CNTN4: variants seen among roughly 807,000 people sequenced by gnomAD.
CNTN4 encodes the protein contactin-4.
A neutral mutation model predicts 122.5 loss-of-function variants in CNTN4; 77 were observed. The ratio of observed to expected loss-of-function variants is 0.63; its 90% CI spans 0.52 to 0.76. The LOEUF is 0.76. CNTN4 is among the 30% of genes least tolerant of loss of function. The pLI, the probability that CNTN4 is intolerant of heterozygous loss-of-function variation, is 0.00. For synonymous variants in CNTN4, 512 were observed against 447.0 expected, an observed-to-expected ratio of 1.15 and a Z score of -1.83; for missense variants, 1,256 against 1,259.1, an observed-to-expected ratio of 1.00 and a Z score of 0.04.
chr3:2,653,545 G>T (rs1291584895), intron 4 of CNTN4, among the ~76,000 whole-genome samples: 1 of 152,124 alleles, frequency 6.6e-6, no homozygotes, highest in African/African-American at 2.4e-5. Flanking sequence ...TCAAATCCCT[G>T]ACATTAAGTC....
At chr3:2,881,983 T>TA (rs943599881) in intron 8 of CNTN4, among the ~76,000 whole-genome samples, 3 of 152,288 alleles carry the variant, frequency 2.0e-5, no homozygotes, top group African/African-American at 7.2e-5. Flanking sequence ...TCAAAGATCA[T>TA]AAAAACTGAT....
intron 3 of CNTN4, among the ~76,000 whole-genome samples, chr3:2,526,573 A>T (rs1417329015): frequency 6.6e-6 from 1 of 152,128 alleles, no homozygotes; most frequent in African/African-American, 2.4e-5. Context: ...CCAGTCTAAG[A>T]AAAAACTTGA....
At chr3:2,252,948 C>A (rs1292082604) in intron 2 of CNTN4, among the ~76,000 whole-genome samples, 1 of 151,576 alleles carries the variant, frequency 6.6e-6, no homozygotes, top group African/African-American at 2.4e-5. Context: ...ATTTTTTTGT[C>A]TTTTAGGGAC....
chr3:2,956,163 G>A (rs115732821), intron 13 of CNTN4, among the ~76,000 whole-genome samples: 1 of 152,156 alleles, frequency 6.6e-6, no homozygotes, highest in African/African-American at 2.4e-5. Context: ...AAAACATCAT[G>A]TTAAATGAAA....
At chr3:2,248,767 C>A (rs1208765116) in intron 2 of CNTN4, among the ~76,000 whole-genome samples, 2 of 151,852 alleles carry the variant, frequency 1.3e-5, no homozygotes, top group African/African-American at 4.8e-5. Flanking sequence ...CCTGTTAAAG[C>A]GACAGAACAA....
intron 2 of CNTN4, among the ~76,000 whole-genome samples, chr3:2,115,333 C>A (rs1409967824): frequency 6.6e-6 from 1 of 152,150 alleles, no homozygotes; most frequent in Non-Finnish European, 1.5e-5. Context: ...GCTGCTTTGT[C>A]CTCTAGTTCT....
chr3:2,629,711 A>G (rs1165853022), intron 4 of CNTN4: 1 of 322,978 alleles, frequency 3.1e-6, no homozygotes, highest in Non-Finnish European at 6.1e-6. Flanking sequence ...TCATAATCAA[A>G]ATCGGTTGAC....
chr3:2,672,090 G>A (rs1250656020), intron 4 of CNTN4, among the ~76,000 whole-genome samples: 1 of 152,214 alleles, frequency 6.6e-6, no homozygotes, highest in Non-Finnish European at 1.5e-5. Context: ...CAGTCTGTCT[G>A]TTCTCAGATC....
chr3:2,484,660 G>C (rs2076094808), intron 3 of CNTN4, among the ~76,000 whole-genome samples: 1 of 152,224 alleles, frequency 6.6e-6, no homozygotes, highest in Admixed American at 6.5e-5. Context: ...GACATCCACA[G>C]TGAGGAACTG....
chr3:2,180,067 G>C (rs955525548), intron 2 of CNTN4, among the ~76,000 whole-genome samples: 1 of 151,378 alleles, frequency 6.6e-6, no homozygotes, highest in Non-Finnish European at 1.5e-5. Flanking sequence ...GAATTAGATG[G>C]TGCATATATG....
chr3:2,226,765 T>C (rs1341622299), intron 2 of CNTN4, among the ~76,000 whole-genome samples: 1 of 152,162 alleles, frequency 6.6e-6, no homozygotes, highest in African/African-American at 2.4e-5. Context: ...AAAATGCAAG[T>C]ATTATAAAGC....
intron 11 of CNTN4, among the ~76,000 whole-genome samples, chr3:2,901,162 T>C (rs2094168702): frequency 6.6e-6 from 1 of 152,192 alleles, no homozygotes; most frequent in Admixed American, 6.5e-5. Context: ...GAAGGGGCAT[T>C]GACACAATAC....
chr3:2,894,233 C>G (rs2094079870), intron 10 of CNTN4, among the ~76,000 whole-genome samples: 1 of 152,096 alleles, frequency 6.6e-6, no homozygotes, highest in South Asian at 2.1e-4. Flanking sequence ...AAAATATGGT[C>G]TGACACATAT....
chr3:2,218,488 G>C (rs1644530492), intron 2 of CNTN4, among the ~76,000 whole-genome samples: 1 of 152,054 alleles, frequency 6.6e-6, no homozygotes, highest in African/African-American at 2.4e-5. Flanking sequence ...CCTGTGAATA[G>C]TCACCACATG....
intron 7 of CNTN4, among the ~76,000 whole-genome samples, chr3:2,822,057 T>C (rs1329810559): frequency 6.6e-6 from 1 of 152,066 alleles, no homozygotes; most frequent in Admixed American, 6.5e-5. Flanking sequence ...GTGGGAGAGG[T>C]AGGTTCCCCT....
chr3:2,418,052 T>G (rs2047481068), intron 3 of CNTN4, among the ~76,000 whole-genome samples: 1 of 152,168 alleles, frequency 6.6e-6, no homozygotes, highest in African/African-American at 2.4e-5. Flanking sequence ...GATACTATAA[T>G]GATAGATACA....
intron 12 of CNTN4, among the ~76,000 whole-genome samples, chr3:2,910,195 A>G (rs549676595): frequency 6.6e-6 from 1 of 152,314 alleles, no homozygotes; most frequent in East Asian, 1.9e-4. Context: ...CTGAGGGGAG[A>G]CATTGAAAGC....
intron 2 of CNTN4, among the ~76,000 whole-genome samples, chr3:2,166,198 G>A (rs972932849): frequency 6.6e-6 from 1 of 151,990 alleles, no homozygotes; most frequent in Non-Finnish European, 1.5e-5. Context: ...GTGTTTAAGG[G>A]CTTCGTTTTC....
At chr3:2,434,760 C>T (rs894844425) in intron 3 of CNTN4, among the ~76,000 whole-genome samples, 2 of 152,084 alleles carry the variant, frequency 1.3e-5, no homozygotes, top group African/African-American at 4.8e-5. Flanking sequence ...TTGTGACAGA[C>T]TCAAAGACCT....
Sources: allele counts gnomAD v4.1 joint callset (sites outside exome capture counted in the v4.1 genomes callset), GRCh38; gene constraint gnomAD v4.1.1; transcripts MANE v1.5; gene names NCBI Gene and HGNC (gene_info 2026-07-23, HGNC 2026-07-21).